MARK4: variants seen among roughly 807,000 people sequenced by gnomAD.
MARK4 encodes the protein MAP/microtubule affinity-regulating kinase 4.
In MARK4, 19 loss-of-function variants were observed where a neutral mutation model predicts 81.5. The ratio of observed to expected loss-of-function variants is 0.23; its 90% CI spans 0.16 to 0.34. The LOEUF is 0.34. Among genes scored for constraint, MARK4 ranks in the 10% least tolerant of loss-of-function variants. The pLI, the probability that MARK4 is intolerant of heterozygous loss-of-function variation, is 1.00. For synonymous variants in MARK4, 436 were observed against 439.0 expected, an observed-to-expected ratio of 0.99 and a Z score of 0.08; for missense variants, 772 against 1,058.8, an observed-to-expected ratio of 0.73 and a Z score of 3.76.
At chr19:45,272,131 A>C (rs550137361) in intron 8 of MARK4, among the ~76,000 whole-genome samples, 16 of 152,166 alleles carry the variant, frequency 1.1e-4, no homozygotes, top group Non-Finnish European at 1.9e-4. Flanking sequence ...TGGGAGTTCA[A>C]GACCAGCCTG....
intron 7 of MARK4, among the ~76,000 whole-genome samples, chr19:45,269,457 T>G (rs944550083): frequency 1.3e-5 from 2 of 152,086 alleles, no homozygotes; most frequent in Non-Finnish European, 2.9e-5. Flanking sequence ...AGCTCTGTGG[T>G]GTGTCTTTGT....
chr19:45,256,133 G>A (rs1970305068), intron 1 of MARK4, among the ~76,000 whole-genome samples: 1 of 152,186 alleles, frequency 6.6e-6, no homozygotes, highest in African/African-American at 2.4e-5. Flanking sequence ...AGGTCTCAGG[G>A]CCAGTGAAAG....
Position 45,280,336 on chromosome 19 carries a change from C to G in MARK4, c.1007-38C>G, listed in dbSNP as rs1335517898. The stretch of plus-strand genomic sequence containing the variant: ...GAGAAATGGATGGAAGTTAAAGTTT[C>G]TGGGAGTCTGAAACTTCTCTCCATC... On this transcript the variant is annotated intron_variant, in intron 10 of 16. Coordinates refer to ENST00000262891, the MANE Select transcript of MARK4 (RefSeq NM_001199867.2). 4 of 1,561,504 alleles carry G rather than the reference C, an allele frequency of 2.6e-6. No individual in the cohort carries two copies. In the Admixed American group the frequency reaches 6.7e-5, roughly 26 times the overall value.
At chr19:45,253,694 C>G (rs1003172639) in intron 1 of MARK4, among the ~76,000 whole-genome samples, 3 of 152,146 alleles carry the variant, frequency 2.0e-5, no homozygotes, top group Non-Finnish European at 4.4e-5. Context: ...GATGATGGCC[C>G]CCCACTGTTA....
At chr19:45,280,317 TG>T (rs1184932144) in intron 10 of MARK4, 56 bp from the exon 11 acceptor site, 31 of 1,464,216 alleles carry the variant, frequency 2.1e-5, no homozygotes, top group Non-Finnish European at 3.0e-5. Context: ...AAAAGAGAAA[TG>T]GATGGAAGTT....
chr19:45,263,075 G>A (rs1309747778), intron 2 of MARK4, 38 bp from the exon 3 acceptor site: 1 of 1,581,898 alleles, frequency 6.3e-7, no homozygotes, highest in Non-Finnish European at 8.6e-7. Flanking sequence ...GGGGCTTGTG[G>A]CACCTTGACC....
intron 12 of MARK4, among the ~76,000 whole-genome samples, chr19:45,287,242 T>C (rs906135136): frequency 1.3e-5 from 2 of 150,174 alleles, no homozygotes; most frequent in African/African-American, 4.9e-5. Context: ...ATGAATGGCC[T>C]GTATGTGCAT....
intron 8 of MARK4, among the ~76,000 whole-genome samples, chr19:45,277,432 A>ATTT (rs1312407830): frequency 7.0e-6 from 1 of 143,066 alleles, no homozygotes; most frequent in Non-Finnish European, 1.5e-5. Context: ...ATGTAGCTTA[A>ATTT]ATTTTTTTTT....
chr19:45,272,932 T>C (rs1970548836), intron 8 of MARK4, among the ~76,000 whole-genome samples: 1 of 152,158 alleles, frequency 6.6e-6, no homozygotes, highest in African/African-American at 2.4e-5. Context: ...ATTGTGCAAC[T>C]CCGTGCATAT....
At chr19:45,299,135 C>T (rs1182065428) in intron 15 of MARK4, among the ~76,000 whole-genome samples, 1 of 149,618 alleles carries the variant, frequency 6.7e-6, no homozygotes, top group Admixed American at 6.7e-5. Context: ...GGATGGGGTG[C>T]AGCATTAAAT....
At chr19:45,297,405 G>A (rs1970900578) in intron 14 of MARK4, among the ~76,000 whole-genome samples, 1 of 152,206 alleles carries the variant, frequency 6.6e-6, no homozygotes, top group African/African-American at 2.4e-5. Context: ...TGCGTTTAGA[G>A]AGAGGAGAGT....
intron 7 of MARK4, among the ~76,000 whole-genome samples, chr19:45,267,305 T>C (rs1970468532): frequency 6.6e-6 from 1 of 152,124 alleles, no homozygotes; most frequent in Non-Finnish European, 1.5e-5. Context: ...GTGATCCACC[T>C]GCCTCGGTCT....
chr19:45,253,526 C>A (rs574493425), intron 1 of MARK4, among the ~76,000 whole-genome samples: 1 of 152,286 alleles, frequency 6.6e-6, no homozygotes, highest in South Asian at 2.1e-4. Context: ...AAGGCTGGCA[C>A]CTAGGAAGCA....
At chr19:45,300,731 G>T (rs2123115386) in intron 16 of MARK4, among the ~76,000 whole-genome samples, 1 of 152,280 alleles carries the variant, frequency 6.6e-6, no homozygotes, top group South Asian at 2.1e-4. Context: ...CCCAGCAGCT[G>T]CAACAAACTG....
intron 8 of MARK4, among the ~76,000 whole-genome samples, chr19:45,275,618 C>T (rs904093718): frequency 6.6e-6 from 1 of 152,130 alleles, no homozygotes; most frequent in Non-Finnish European, 1.5e-5. Context: ...ATGGTTTCTT[C>T]TCCCCCATCA....
In MARK4 at chr19:45,277,957, G is replaced by A. The variant is rs1348192931; in HGVS notation, c.821G>A (p.Arg274Gln). The change falls in exon 9 of 17, where the codon CGG (arginine) becomes CAG (glutamine). Residue 274 changes from arginine to glutamine, a missense_variant. By Grantham distance (43) the Arg-to-Gln change is conservative (BLOSUM62 1). Around this residue, in one of 3 missense-constraint regions of MARK4, gnomAD observed 109 missense variants for 294.7 expected, o/e 0.37. Transcript: ENST00000262891. ...GAGCGAGTACTCAGAGGGAAGTACC[G>A]GGTCCCTTTCTACATGTCAACAGAC... ...LRERVLRGKY[R>Q]VPFYMSTDCE... is the part of the protein sequence containing the mutation. The A allele has an allele frequency of 4.3e-6, 7 of 1,613,656 alleles. No individual in the cohort carries two copies. Among genetic ancestry groups the A allele is most frequent in the Non-Finnish European group, 5.9e-6 (7 of 1,179,922 alleles).
chr19:45,261,079 T>G (rs1970374811), intron 2 of MARK4, among the ~76,000 whole-genome samples: 1 of 151,998 alleles, frequency 6.6e-6, no homozygotes, highest in East Asian at 1.9e-4. Flanking sequence ...GACTCTCCCC[T>G]GCCCTCACGC....
chr19:45,276,154 G>T (rs2123062493), intron 8 of MARK4, among the ~76,000 whole-genome samples: 1 of 152,298 alleles, frequency 6.6e-6, no homozygotes, highest in Admixed American at 6.5e-5. Flanking sequence ...AGCCTCCTGA[G>T]TAGCTGGGAC....
At chr19:45,272,491 G>A (rs1246220565) in intron 8 of MARK4, among the ~76,000 whole-genome samples, 1 of 152,130 alleles carries the variant, frequency 6.6e-6, no homozygotes, top group Admixed American at 6.5e-5. Context: ...CATAGAGACA[G>A]AAAGTGGATT....
Sources: gnomAD v4.1 joint callset for allele counts (sites outside exome capture counted in the v4.1 genomes callset) on GRCh38, gnomAD v4.1.1 for gene constraint, gnomAD v4.1.1 regional missense constraint, MANE v1.5 for transcripts, NCBI Gene and HGNC (gene_info 2026-07-23, HGNC 2026-07-21) for gene names.